The following SETD6 variants were observed in gnomAD, a reference collection of about 807,000 sequenced individuals.
SETD6 encodes the protein SET domain containing 6, protein lysine methyltransferase.
In SETD6, 67 loss-of-function variants were observed where a neutral mutation model predicts 52.7. The ratio of observed to expected loss-of-function variants is 1.27; its 90% CI spans 1.04 to 1.56. SETD6 has a LOEUF of 1.56. Ranked by LOEUF, SETD6 falls within the 40% of genes most tolerant of loss-of-function variation. SETD6 has a pLI of 0.00. For missense variants in SETD6, 712 were observed against 607.5 expected (o/e 1.17, Z -1.81); for synonymous variants, 307 against 250.2 (o/e 1.23, Z -2.14).
rs2039335776 is a variant in SETD6 at position 58,520,553 on chromosome 16, T to G, written c.*1524T>G. 2 of 186,286 alleles carry G rather than the reference T, an allele frequency of 1.1e-5. No individual in the cohort carries two copies. Among genetic ancestry groups the G allele is most frequent in the Middle Eastern group, 2.3e-3 (1 of 430 alleles). 11.5% of individuals were successfully genotyped at this position (186,286 alleles called of 1,614,324 possible). On this transcript the variant is annotated 3_prime_UTR_variant, in exon 8 of 8. Transcript: ENST00000219315. ...TTCAAACTGGCTTTTTGCTATTCTTTGGGACACCAGGAATGTCAGAAGACA... is the reference window on the plus strand; with the variant it reads ...TTCAAACTGGCTTTTTGCTATTCTTGGGGACACCAGGAATGTCAGAAGACA...
Position 58,516,277 on chromosome 16 carries a change from C to T in SETD6, c.410C>T (p.Ala137Val). The change falls in exon 3 of 8, where the codon GCC (alanine) becomes GTC (valine). Residue 137 changes from alanine (A) to valine (V), a missense_variant. Transcript: ENST00000219315. ...CTGCTCCACGAGCTGCAGGCCCCGG[C>T]CTCACGCTGGAGGCCCTACTTTGCG... ...LALLHELQAPASRWRPYFALW... is the reference protein window; with the variant it reads ...LALLHELQAPVSRWRPYFALW... 2 of 1,603,024 alleles carry T rather than the reference C, an allele frequency of 1.2e-6. No homozygotes were observed. Among genetic ancestry groups the T allele is most frequent in the East Asian group, 2.2e-5 (1 of 44,840 alleles).
Position 58,515,911 on chromosome 16 carries a change from C to T in SETD6, c.148C>T (p.Arg50Cys), listed in dbSNP as rs781261908. The T allele has an allele frequency of 1.5e-5, 22 of 1,499,986 alleles. No individual in the cohort carries two copies. The African/African-American group carries it at 2.8e-4, about 19-fold the overall frequency. 92.9% of individuals were successfully genotyped at this position (1,499,986 alleles called of 1,614,324 possible). A position where few individuals can be genotyped will look rare whatever the true frequency, so the allele number is the denominator to read the frequency against. The stretch of plus-strand genomic sequence containing the variant: ...CGAGCGAGCCGGCGGGCGGAGGACC[C>T]GCGGCGGGGCGCGGGCTGCCCTGAC... The part of the protein sequence containing the change: ...VSERAGGRRT[R>C]GGARAALTSP... The change falls in exon 2 of 8, where the codon CGC becomes TGC. Residue 50 changes from arginine (R) to cysteine (C), a missense_variant. By Grantham distance (180) the Arg-to-Cys change is radical (BLOSUM62 -3). Transcript: ENST00000219315.
Position 58,516,625 on chromosome 16 carries a change from C to T in SETD6, c.624C>T (p.Arg208=). The part of the protein sequence containing the change: ...AHPDLFSLRV[R]SLELYHQLVA... ...CCGATCTCTTCAGCCTCAGGGTTCGCTCCCTAGAACTCTACCACCAGCTGG... is the reference window on the plus strand; with the variant it reads ...CCGATCTCTTCAGCCTCAGGGTTCGTTCCCTAGAACTCTACCACCAGCTGG... Residue 208 remains arginine, a synonymous_variant, in exon 4 of 8, where the codon CGC becomes CGT. Coordinates refer to ENST00000219315, the MANE Select transcript of SETD6 (RefSeq NM_001160305.4). 1 of 1,614,102 alleles carries T rather than the reference C, an allele frequency of 6.2e-7. No homozygotes were observed. Among genetic ancestry groups the T allele is most frequent in the Non-Finnish European group, 8.5e-7 (1 of 1,179,972 alleles).
intron 5 of SETD6, chr16:58,517,304 C>T: frequency 3.0e-6 from 1 of 330,384 alleles, no homozygotes. Flanking sequence ...ATTCACAGGC[C>T]AAAGGTCTAA....
chr16:58,517,395 T>A (rs2151878532), intron 5 of SETD6: 1 of 182,178 alleles, frequency 5.5e-6, no homozygotes, highest in African/African-American at 2.4e-5. Context: ...ATGGCACATT[T>A]ATAGGATCAG....
rs753903932 is a variant in SETD6 at position 58,518,083 on chromosome 16, TC to T, written c.827del (p.Pro276LeufsTer18). ...TTCGGATGGTAGCCACTCAGCCCAT[TC>T]CTAAAGGCCATGAGATTTTCAACAC... ...CLRMVATQPI[P>X]KGHEIFNTYG... On this transcript the variant is annotated frameshift_variant, in exon 6 of 8. Transcript: ENST00000219315. LOFTEE classifies it high-confidence loss of function. The T allele has an allele frequency of 1.2e-6, 2 of 1,614,214 alleles. No individual in the cohort carries two copies. The highest frequency in any genetic ancestry group is 2.2e-5 in the South Asian group (2 of 91,090).
chr16:58,521,234 G>T lies in SETD6; in HGVS notation c.*2205G>T. The T allele has an allele frequency of 6.2e-7, 1 of 1,614,038 alleles. No homozygotes were observed. Among genetic ancestry groups the T allele is most frequent in the Non-Finnish European group, 8.5e-7 (1 of 1,180,016 alleles). The stretch of plus-strand genomic sequence containing the variant: ...AAATTCATGGTTCCAGAACTTAAAC[G>T]CTGGGTTTTTAATCAGCTCAATGAA... On this transcript the variant is annotated 3_prime_UTR_variant, in exon 8 of 8. Transcript: ENST00000219315.
Position 58,516,472 on chromosome 16 carries a change from C to T in SETD6, c.477-6C>T. On this transcript the variant is annotated splice_polypyrimidine_tract_variant and splice_region_variant and intron_variant, in intron 3 of 7. Coordinates refer to ENST00000219315, the MANE Select transcript of SETD6 (RefSeq NM_001160305.4). ...GAAGGGAACCTGGGTGTGGGTGTCC[C>T]TGCAGGCCAGAGGAGGAGCGCCGGT... 3 of 1,613,924 alleles carry T rather than the reference C, an allele frequency of 1.9e-6. No individual in the cohort carries two copies. The highest frequency in any genetic ancestry group is 2.5e-6 in the Non-Finnish European group (3 of 1,179,952).
chr16:58,519,117 T>C lies in SETD6; in HGVS notation c.*88T>C. 1.5e-6 allele frequency: 2 copies of C among 1,351,748 alleles called. No individual in the cohort carries two copies. Among genetic ancestry groups the C allele is most frequent in the Non-Finnish European group, 2.0e-6 (2 of 1,010,360 alleles). 83.7% of individuals were successfully genotyped at this position (1,351,748 alleles called of 1,614,324 possible). ...TGTTTGAAAAAGAGGAAAATTTGGA[T>C]CTTTCTTTTGCTTACTAAACACCAA... On this transcript the variant is annotated 3_prime_UTR_variant, in exon 8 of 8. Coordinates refer to ENST00000219315, the MANE Select transcript of SETD6 (RefSeq NM_001160305.4).
chr16:58,518,776 G>C lies in SETD6; in HGVS notation c.1169G>C (p.Gly390Ala). 6.2e-7 allele frequency: 1 copy of C among 1,614,094 alleles called. No homozygotes were observed. The highest frequency in any genetic ancestry group is 1.3e-5 in the African/African-American group (1 of 75,008). Reference protein sequence around the residue: ...EFRELKDQDGGGDDKREEGSL... With the variant: ...EFRELKDQDGAGDDKREEGSL... ...AGAGAGCTTAAAGACCAGGATGGAG[G>C]GGGAGATGATAAAAGGGAAGAGGGC... The change falls in exon 8 of 8, where the codon GGG becomes GCG. Residue 390 changes from glycine to alanine, a missense_variant. Physicochemically the swap from Gly to Ala is moderately conservative, Grantham distance 60. Transcript: ENST00000219315.
chr16:58,518,087 A>G lies in SETD6; in HGVS notation c.829A>G (p.Lys277Glu). Residue 277 changes from lysine to glutamate, a missense_variant, in exon 6 of 8, where the codon AAA becomes GAA. By Grantham distance (56) the Lys-to-Glu change is moderately conservative. Coordinates refer to ENST00000219315, the MANE Select transcript of SETD6 (RefSeq NM_001160305.4). ...GATGGTAGCCACTCAGCCCATTCCTAAAGGCCATGAGATTTTCAACACTTA... is the reference window on the plus strand; with the variant it reads ...GATGGTAGCCACTCAGCCCATTCCTGAAGGCCATGAGATTTTCAACACTTA... ...LRMVATQPIP[K>E]GHEIFNTYGQ... The G allele has an allele frequency of 1.2e-6, 2 of 1,614,152 alleles. No homozygotes were observed. The highest frequency in any genetic ancestry group is 1.6e-4 in the Middle Eastern group (1 of 6,062).
In SETD6 at chr16:58,519,054, C is replaced by G. The variant is rs771834540; in HGVS notation, c.*25C>G. The G allele has an allele frequency of 1.3e-6, 2 of 1,579,632 alleles. No individual in the cohort carries two copies. The highest frequency in any genetic ancestry group is 1.4e-5 in the African/African-American group (1 of 73,490). On this transcript the variant is annotated 3_prime_UTR_variant, in exon 8 of 8. Transcript: ENST00000219315. ...GCAGTTTCCCTGTTCCCTGAAGGAA[C>G]AGCAATAAGAACTTTATTCTAAGCT...
chr16:58,515,753 T>TG lies in SETD6; in HGVS notation c.28-33dup. ...CTCCTGCAGTTCCCAGCGGCCTCTC[T>TG]GGGGGTCGGACCTGGTCACTGCGCG... On this transcript the variant is annotated intron_variant, in intron 1 of 7. Coordinates refer to ENST00000219315, the MANE Select transcript of SETD6 (RefSeq NM_001160305.4). The TG allele has an allele frequency of 2.8e-6, 4 of 1,431,310 alleles. No individual in the cohort carries two copies. In the South Asian group the frequency reaches 5.9e-5, roughly 21 times the overall value. The allele number at this position is 1,431,310 out of a possible 1,614,324, so 88.7% of individuals were successfully genotyped here. A position where few individuals can be genotyped will look rare whatever the true frequency, so the allele number is the denominator to read the frequency against.
chr16:58,517,372 G>A (rs1006657493), intron 5 of SETD6: 1 of 180,748 alleles, frequency 5.5e-6, no homozygotes, highest in South Asian at 1.2e-4. Flanking sequence ...TATATAAAAA[G>A]TAGCCTGAAA....
chr16:58,516,482 G>A lies in SETD6; in HGVS notation c.481G>A (p.Glu161Lys), dbSNP rs147467868. 5.7e-4 allele frequency: 920 copies of A among 1,614,004 alleles called. 6 individuals are homozygous for A. The Middle Eastern group carries it at 5.8e-3, about 10-fold the overall frequency. The change falls in exon 4 of 8, where the codon GAG (glutamate) becomes AAG (lysine). Residue 161 changes from glutamate to lysine, a missense_variant. Glu to Lys is a moderately conservative substitution (Grantham distance 56). Coordinates refer to ENST00000219315, the MANE Select transcript of SETD6 (RefSeq NM_001160305.4). ...GRLEHPMFWP[E>K]EERRCLLQGT... is the part of the protein sequence containing the mutation. Reference sequence around the variant, plus strand: ...TGGGTGTGGGTGTCCCTGCAGGCCAGAGGAGGAGCGCCGGTGCCTGCTCCA... The same window carrying A: ...TGGGTGTGGGTGTCCCTGCAGGCCAAAGGAGGAGCGCCGGTGCCTGCTCCA...
intron 6 of SETD6, 30 bp from the exon 7 acceptor site, chr16:58,518,371 G>T (rs1368351727): frequency 6.3e-7 from 1 of 1,582,676 alleles, no homozygotes; most frequent in East Asian, 2.2e-5. Flanking sequence ...TGGGTGTACT[G>T]AGACTTTCAC....
Position 58,515,814 on chromosome 16 carries a change from C to G in SETD6, c.51C>G (p.Gly17=). Residue 17 remains glycine (G), a synonymous_variant, in exon 2 of 8, where the codon GGC becomes GGG. Coordinates refer to ENST00000219315, the MANE Select transcript of SETD6 (RefSeq NM_001160305.4). ...AGGTGGCGGGGCCCGTGGACGGCGGCGACCTGGATCCTGTGGCCTGCTTCC... is the reference window on the plus strand; with the variant it reads ...AGGTGGCGGGGCCCGTGGACGGCGGGGACCTGGATCCTGTGGCCTGCTTCC... ...RPRVAGPVDG[G]DLDPVACFLS... is the part of the protein sequence containing the mutation. 6.5e-7 allele frequency: 1 copy of G among 1,527,600 alleles called. No individual in the cohort carries two copies. Among genetic ancestry groups the G allele is most frequent in the Non-Finnish European group, 8.7e-7 (1 of 1,146,478 alleles). The allele number at this position is 1,527,600 out of a possible 1,614,324, so 94.6% of individuals were successfully genotyped here.
In SETD6 at chr16:58,519,033, T is replaced by C; in HGVS notation, c.*4T>C. 2 of 1,605,338 alleles carry C rather than the reference T, an allele frequency of 1.2e-6. No individual in the cohort carries two copies. Among genetic ancestry groups the C allele is most frequent in the Non-Finnish European group, 1.7e-6 (2 of 1,174,994 alleles). ...GTTGTTGGAGCTGACAAGTTAGCAG[T>C]TTCCCTGTTCCCTGAAGGAACAGCA... On this transcript the variant is annotated 3_prime_UTR_variant, in exon 8 of 8. Coordinates refer to ENST00000219315, the MANE Select transcript of SETD6 (RefSeq NM_001160305.4).
rs755451950 is a variant in SETD6 at position 58,516,491 on chromosome 16, C to G, written c.490C>G (p.Arg164Gly). The G allele has an allele frequency of 1.2e-6, 2 of 1,613,794 alleles. No individual in the cohort carries two copies. The highest frequency in any genetic ancestry group is 2.7e-5 in the African/African-American group (2 of 74,912). The change falls in exon 4 of 8, where the codon CGC (arginine) becomes GGC (glycine). Residue 164 changes from arginine (R) to glycine (G), a missense_variant. Coordinates refer to ENST00000219315, the MANE Select transcript of SETD6 (RefSeq NM_001160305.4). ...GTGTCCCTGCAGGCCAGAGGAGGAG[C>G]GCCGGTGCCTGCTCCAGGGCACAGG... is the stretch of plus-strand genomic sequence containing the variant. ...EHPMFWPEEE[R>G]RCLLQGTGVP...
Sources: gnomAD v4.1 joint callset for allele counts on GRCh38, gnomAD v4.1.1 for gene constraint, MANE v1.5 for transcripts, NCBI Gene and HGNC (gene_info 2026-07-23, HGNC 2026-07-21) for gene names.